Variants in GBE1 observed in about 807,000 individuals in gnomAD.
The protein encoded by GBE1 is 1,4-alpha-glucan branching enzyme 1.
GBE1 carries 70 observed loss-of-function variants against 88.8 expected under a neutral mutation model. That is an observed-to-expected ratio of 0.79 (90% confidence interval 0.65 to 0.96). GBE1 has a LOEUF of 0.96. Ranked by LOEUF, GBE1 falls within the 40% of genes least tolerant of loss-of-function variation. The pLI, the probability that GBE1 is intolerant of heterozygous loss-of-function variation, is 0.00. For missense variants in GBE1, 872 were observed against 871.0 expected (o/e 1.00, Z -0.01); for synonymous variants, 284 against 300.1 (o/e 0.95, Z 0.56).
chr3:81,667,284 C>T (rs1269947347), intron 3 of GBE1, among the ~76,000 whole-genome samples: 1 of 152,070 alleles, frequency 6.6e-6, no homozygotes, highest in Non-Finnish European at 1.5e-5. Context: ...GTGATTTTCG[C>T]ACATTGATTT....
chr3:81,534,260 C>T (rs1703045222), intron 14 of GBE1, among the ~76,000 whole-genome samples: 1 of 151,902 alleles, frequency 6.6e-6, no homozygotes, highest in Non-Finnish European at 1.5e-5. Context: ...CTGTACATTT[C>T]CTTTGTAATA....
chr3:81,627,778 A>G (rs569080617), intron 7 of GBE1, among the ~76,000 whole-genome samples: 32 of 149,776 alleles, frequency 2.1e-4, no homozygotes, highest in Non-Finnish European at 4.3e-4. Flanking sequence ...AAAAACATAT[A>G]TATTTGTTGT....
intron 2 of GBE1, among the ~76,000 whole-genome samples, chr3:81,681,066 AG>A (rs1215655610): frequency 2.0e-5 from 3 of 152,384 alleles, no homozygotes; most frequent in African/African-American, 7.2e-5. Context: ...TCTCAGTAAC[AG>A]TAAACCAGAG....
intron 6 of GBE1, 67 bp downstream of exon 6, chr3:81,646,325 A>G (rs1415298900): frequency 2.6e-5 from 27 of 1,027,834 alleles, no homozygotes; most frequent in Non-Finnish European, 3.7e-5. Flanking sequence ...AAAATGAACA[A>G]TTTCATTTTG....
intron 8 of GBE1, 72 bp downstream of exon 8, chr3:81,593,836 A>C: frequency 1.4e-6 from 1 of 730,380 alleles, no homozygotes; most frequent in Non-Finnish European, 2.3e-6. Context: ...AACTAATAAA[A>C]ACCAAGACAC....
At position 81,761,457 on chromosome 3, in the gene GBE1, C is replaced by A; in HGVS notation, c.61G>T (p.Ala21Ser). ...GCCAGTTCGGGCACGTCAGCCAGGG[C>A]GGCATTGAGCGCCGCCTCGTAGTCC... ...PEDYEAALNA[A>S]LADVPELARL... The change falls in exon 1 of 16, where the codon GCC (alanine) becomes TCC (serine). Residue 21 changes from alanine (A) to serine (S), a missense_variant. Transcript: ENST00000429644. The A allele has an allele frequency of 6.2e-7, 1 of 1,613,470 alleles. No individual in the cohort carries two copies. Among genetic ancestry groups the A allele is most frequent in the Non-Finnish European group, 8.5e-7 (1 of 1,179,700 alleles).
chr3:81,719,515 T>C (rs954534535), intron 1 of GBE1, among the ~76,000 whole-genome samples: 13 of 152,128 alleles, frequency 8.5e-5, no homozygotes, highest in African/African-American at 3.1e-4. Context: ...CCATGCCCAG[T>C]CTTATTTTAT....
intron 7 of GBE1, among the ~76,000 whole-genome samples, chr3:81,603,967 T>C (rs1001348504): frequency 6.6e-6 from 1 of 152,010 alleles, no homozygotes; most frequent in Non-Finnish European, 1.5e-5. Context: ...AAAAATGACA[T>C]CCACACTCAA....
At chr3:81,642,256 G>A (rs1425328541) in intron 7 of GBE1, among the ~76,000 whole-genome samples, 1 of 151,982 alleles carries the variant, frequency 6.6e-6, no homozygotes, top group Non-Finnish European at 1.5e-5. Flanking sequence ...TTGCTGTGCA[G>A]ATTAAATAAG....
In GBE1 at chr3:81,646,403, A is replaced by T. The variant is rs137852887; in HGVS notation, c.771T>A (p.Phe257Leu). Residue 257 changes from phenylalanine (F) to leucine (L), a missense_variant, in exon 6 of 16, where the codon TTT becomes TTA. By Grantham distance (22) the Phe-to-Leu change is conservative (BLOSUM62 0). Coordinates refer to ENST00000429644, the MANE Select transcript of GBE1 (RefSeq NM_000158.4). The stretch of plus-strand genomic sequence containing the variant: ...GTCTCTGATTTTACCTGGAAGCTGC[A>T]AAGAAGCTTGTGATTTGGTAACCAA... The part of the protein sequence containing the change: ...ASFGYQITSF[F>L]AASSRYGTPE... The T allele has an allele frequency of 3.1e-6, 5 of 1,594,282 alleles. No homozygotes were observed. The highest frequency in any genetic ancestry group is 1.4e-5 in the African/African-American group (1 of 73,898).
chr3:81,677,706 T>TCCA (rs906808357), intron 2 of GBE1, among the ~76,000 whole-genome samples: 1 of 152,110 alleles, frequency 6.6e-6, no homozygotes, highest in African/African-American at 2.4e-5. Context: ...TCTCTTCCCC[T>TCCA]CCAGATAATT....
At chr3:81,519,665 A>T (rs868069769) in intron 14 of GBE1, among the ~76,000 whole-genome samples, 1 of 151,314 alleles carries the variant, frequency 6.6e-6, no homozygotes, top group African/African-American at 2.4e-5. Context: ...AAATAGAACC[A>T]TGACACATTC....
chr3:81,622,209 A>G (rs998472601), intron 7 of GBE1, among the ~76,000 whole-genome samples: 2 of 152,208 alleles, frequency 1.3e-5, no homozygotes, highest in Non-Finnish European at 2.9e-5. Context: ...CAGACCAATC[A>G]TTCCAACAAA....
chr3:81,497,847 T>C (rs1250904608), intron 15 of GBE1, among the ~76,000 whole-genome samples: 2 of 152,224 alleles, frequency 1.3e-5, no homozygotes, highest in Non-Finnish European at 2.9e-5. Context: ...CAGAACTTTA[T>C]GGTAATATTC....
At chr3:81,577,855 C>A in intron 12 of GBE1, 70 bp downstream of exon 12, 2 of 1,241,288 alleles carry the variant, frequency 1.6e-6, no homozygotes, top group South Asian at 1.5e-5. Flanking sequence ...TCAAAATATT[C>A]TACATGATTT....
chr3:81,508,570 T>C (rs1702684845), intron 14 of GBE1, among the ~76,000 whole-genome samples: 1 of 152,132 alleles, frequency 6.6e-6, no homozygotes, highest in Admixed American at 6.6e-5. Context: ...GCTTTTAAAC[T>C]CAAAATAATT....
chr3:81,747,399 G>A (rs921993094), intron 1 of GBE1, among the ~76,000 whole-genome samples: 2 of 152,108 alleles, frequency 1.3e-5, no homozygotes, highest in African/African-American at 2.4e-5. Flanking sequence ...CACAAAAATA[G>A]GCCAAGCTCA....
At chr3:81,727,956 TATA>T (rs1364583716) in intron 1 of GBE1, among the ~76,000 whole-genome samples, 2 of 152,106 alleles carry the variant, frequency 1.3e-5, no homozygotes, top group East Asian at 3.8e-4. Flanking sequence ...AAGCTGCTCC[TATA>T]ATATTATTTA....
chr3:81,702,365 T>A (rs1705711547), intron 2 of GBE1, among the ~76,000 whole-genome samples: 1 of 151,852 alleles, frequency 6.6e-6, no homozygotes, highest in African/African-American at 2.4e-5. Flanking sequence ...AGCCCATTAG[T>A]GAAAAAAAGT....
Sources: allele counts gnomAD v4.1 joint callset (sites outside exome capture counted in the v4.1 genomes callset), GRCh38; gene constraint gnomAD v4.1.1; transcripts MANE v1.5; gene names NCBI Gene and HGNC (gene_info 2026-07-23, HGNC 2026-07-21).